Variants in WWOX observed in about 807,000 individuals in gnomAD.
WWOX encodes the protein WW domain containing oxidoreductase.
WWOX carries 69 observed loss-of-function variants against 46.2 expected under a neutral mutation model. That is an observed-to-expected ratio of 1.49 (90% confidence interval 1.23 to 1.82). The LOEUF (loss-of-function observed/expected upper bound fraction) is 1.82, where lower values mean the gene tolerates loss of function less well. WWOX is among the 40% of genes most tolerant of loss of function. WWOX has a pLI of 0.00. For missense variants in WWOX, 919 were observed against 542.6 expected (o/e 1.69, Z -6.89); for synonymous variants, 359 against 202.6 (o/e 1.77, Z -6.56).
rs190662201 is a variant in WWOX at position 78,779,031 on chromosome 16, T to C, written c.1056+346279T>C. Among the ~76,000 whole-genome samples, 21 of 152,338 alleles carry C rather than the reference T, an allele frequency of 1.4e-4. No homozygotes were observed. In the East Asian group the frequency reaches 2.3e-3, roughly 17 times the overall value. ...CCAGTCTGAATAAAACCAATGAGCT[T>C]AATCTACTTGTGGAATGTTATAGCC... is the stretch of plus-strand genomic sequence containing the variant. On this transcript the variant is annotated intron_variant, in intron 8 of 8. Coordinates refer to ENST00000566780, the MANE Select transcript of WWOX (RefSeq NM_016373.4).
intron 8 of WWOX, among the ~76,000 whole-genome samples, chr16:79,061,970 T>C (rs1460193832): frequency 1.3e-5 from 2 of 152,208 alleles, no homozygotes; most frequent in Non-Finnish European, 2.9e-5. Flanking sequence ...CCCCTTGTAG[T>C]GCCTGCATTC....
chr16:78,955,901 G>A (rs1328404823), intron 8 of WWOX, among the ~76,000 whole-genome samples: 1 of 150,988 alleles, frequency 6.6e-6, no homozygotes, highest in African/African-American at 2.4e-5. Context: ...TCCCCCCTCA[G>A]CCTCCCAAAG....
intron 8 of WWOX, among the ~76,000 whole-genome samples, chr16:79,048,460 C>G (rs1466307010): frequency 2.0e-5 from 3 of 152,002 alleles, no homozygotes; most frequent in Non-Finnish European, 4.4e-5. Context: ...TCACGTGTGT[C>G]TATTATGAGC....
intron 8 of WWOX, among the ~76,000 whole-genome samples, chr16:78,794,714 A>G (rs1440853623): frequency 1.3e-5 from 2 of 152,198 alleles, no homozygotes; most frequent in Non-Finnish European, 2.9e-5. Context: ...GCTTACTGTT[A>G]TTATTAGCTC....
intron 8 of WWOX, among the ~76,000 whole-genome samples, chr16:79,179,182 CA>C (rs1293219603): frequency 6.6e-6 from 1 of 152,120 alleles, no homozygotes; most frequent in African/African-American, 2.4e-5. Context: ...TCCTGTCTTC[CA>C]AAAGTGTAGC....
At chr16:78,834,395 C>T (rs1009108508) in intron 8 of WWOX, among the ~76,000 whole-genome samples, 2 of 152,160 alleles carry the variant, frequency 1.3e-5, no homozygotes, top group Non-Finnish European at 2.9e-5. Context: ...TAAATCGGCA[C>T]AAATTGAATC....
chr16:78,971,168 A>G (rs57570317), intron 8 of WWOX, among the ~76,000 whole-genome samples: 5,345 of 152,098 alleles, frequency 0.035, 333 homozygotes, highest in African/African-American at 0.12. Flanking sequence ...GTCAAGAGAT[A>G]GACTTTTTAG....
At position 78,902,427 on chromosome 16, in the gene WWOX, A is replaced by G. The variant is rs558562033; in HGVS notation, c.1057-309181A>G. Among the ~76,000 whole-genome samples the G allele has an allele frequency of 2.0e-5, 3 of 152,350 alleles. No individual in the cohort carries two copies. The South Asian group carries it at 6.2e-4, about 32-fold the overall frequency. Reference sequence around the variant, plus strand: ...TTTTTCTCTTGTATCCAGCAGCGCCACGCGGGGCGGGCGGGAGAGGCAAGG... The same window carrying G: ...TTTTTCTCTTGTATCCAGCAGCGCCGCGCGGGGCGGGCGGGAGAGGCAAGG... On this transcript the variant is annotated intron_variant, in intron 8 of 8. Transcript: ENST00000566780.
intron 8 of WWOX, among the ~76,000 whole-genome samples, chr16:79,195,379 A>G (rs144316864): frequency 6.6e-6 from 1 of 152,166 alleles, no homozygotes. Context: ...TCAGAGATGC[A>G]AGGAGGTCAG....
At chr16:78,233,155 T>C (rs1226950544) in intron 5 of WWOX, among the ~76,000 whole-genome samples, 1 of 152,216 alleles carries the variant, frequency 6.6e-6, no homozygotes, top group African/African-American at 2.4e-5. Flanking sequence ...AACTCAGACA[T>C]TGGTGCTATT....
rs535664957 is a variant in WWOX at position 78,667,756 on chromosome 16, G to A, written c.1056+235004G>A. 1.0e-4 allele frequency among the ~76,000 whole-genome samples: 15 copies of A among 150,506 alleles called. No homozygotes were observed. The South Asian group carries it at 3.2e-3, about 32-fold the overall frequency. On this transcript the variant is annotated intron_variant, in intron 8 of 8. Coordinates refer to ENST00000566780, the MANE Select transcript of WWOX (RefSeq NM_016373.4). ...CCATTACTCTGCTCATTGTTCAAAT[G>A]AACTCATTTGAGAGCTCTCTCCTTT...
intron 8 of WWOX, among the ~76,000 whole-genome samples, chr16:78,627,688 C>T (rs1415913916): frequency 2.6e-5 from 4 of 152,166 alleles, no homozygotes; most frequent in African/African-American, 9.6e-5. Context: ...AAATAAATAA[C>T]TTTGATGCAA....
intron 8 of WWOX, among the ~76,000 whole-genome samples, chr16:78,861,682 A>G (rs567510853): frequency 6.6e-6 from 1 of 152,318 alleles, no homozygotes; most frequent in African/African-American, 2.4e-5. Context: ...CATTCTCTAA[A>G]TATTATAAAT....
chr16:79,160,844 G>C (rs1004859491), intron 8 of WWOX, among the ~76,000 whole-genome samples: 8 of 151,858 alleles, frequency 5.3e-5, no homozygotes, highest in Non-Finnish European at 1.0e-4. Context: ...AGATGCATGT[G>C]TGTACGTATA....
chr16:78,881,530 G>C (rs2044343546), intron 8 of WWOX, among the ~76,000 whole-genome samples: 1 of 152,178 alleles, frequency 6.6e-6, no homozygotes, highest in Non-Finnish European at 1.5e-5. Context: ...CTATTTGCCA[G>C]GATCCTTGCT....
intron 8 of WWOX, 31 bp from the exon 9 acceptor site, chr16:79,211,577 T>C: frequency 1.3e-6 from 2 of 1,571,956 alleles, no homozygotes; most frequent in Non-Finnish European, 1.7e-6. Context: ...TTTCTTAAAA[T>C]TTTTTTTTGT....
intron 8 of WWOX, among the ~76,000 whole-genome samples, chr16:79,080,778 G>A (rs1159499833): frequency 1.3e-5 from 2 of 152,134 alleles, no homozygotes; most frequent in Admixed American, 6.5e-5. Flanking sequence ...ACCAGCCCGG[G>A]CAACACAGGG....
chr16:78,680,274 TGGCATGCATCTGCAGTCCTG>T (rs905652601), intron 8 of WWOX, among the ~76,000 whole-genome samples: 1 of 151,914 alleles, frequency 6.6e-6, no homozygotes, highest in Non-Finnish European at 1.5e-5. Flanking sequence ...CCAGGTGTGG[TGGCATGCATCTGCAGTCCTG>T]GCTACTCAGA....
chr16:78,443,634 C>A (rs927084051), intron 8 of WWOX, among the ~76,000 whole-genome samples: 7 of 152,144 alleles, frequency 4.6e-5, no homozygotes, highest in Non-Finnish European at 8.8e-5. Context: ...AAGTGACTAT[C>A]TGGCCTTAGT....
Sources: allele counts gnomAD v4.1 joint callset (sites outside exome capture counted in the v4.1 genomes callset), GRCh38; gene constraint gnomAD v4.1.1; transcripts MANE v1.5; gene names NCBI Gene and HGNC (gene_info 2026-07-23, HGNC 2026-07-21).